MAP4K3: variants seen among roughly 807,000 people sequenced by gnomAD.
The protein encoded by MAP4K3 is mitogen-activated protein kinase kinase kinase kinase 3.
Under a neutral mutation model 143.5 loss-of-function variants are expected in MAP4K3, and 94 were observed. The ratio of observed to expected loss-of-function variants is 0.65; its 90% CI spans 0.55 to 0.78. The LOEUF is 0.78. Among genes scored for constraint, MAP4K3 ranks in the 30% least tolerant of loss-of-function variants. The pLI is 0.00. For missense variants in MAP4K3, 1,077 were observed against 1,068.1 expected (o/e 1.01, Z -0.12); for synonymous variants, 416 against 347.2 (o/e 1.20, Z -2.20).
chr2:39,296,217 A>C (rs1188580491), intron 16 of MAP4K3, among the ~76,000 whole-genome samples: 1 of 152,234 alleles, frequency 6.6e-6, no homozygotes, highest in Non-Finnish European at 1.5e-5. Context: ...ATACGGTCTT[A>C]ATGAAAAGTA....
chr2:39,332,368 T>C (rs548344605), intron 7 of MAP4K3, among the ~76,000 whole-genome samples: 101 of 152,102 alleles, frequency 6.6e-4, no homozygotes, highest in Non-Finnish European at 9.9e-4. Context: ...TTAAGAGACA[T>C]TATATTCCAT....
At chr2:39,333,956 C>A (rs1456863240) in intron 6 of MAP4K3, among the ~76,000 whole-genome samples, 2 of 105,830 alleles carry the variant, frequency 1.9e-5, no homozygotes, top group Non-Finnish European at 4.1e-5. Flanking sequence ...TATTGTTTCC[C>A]ATTTTTGTGT....
At chr2:39,403,607 A>C (rs1010170052) in intron 1 of MAP4K3, among the ~76,000 whole-genome samples, 6 of 151,990 alleles carry the variant, frequency 3.9e-5, no homozygotes, top group African/African-American at 1.5e-4. Flanking sequence ...AAGCCTCCCC[A>C]CCATGGGATG....
intron 1 of MAP4K3, among the ~76,000 whole-genome samples, chr2:39,393,657 G>C (rs1666728368): frequency 6.6e-6 from 1 of 152,012 alleles, no homozygotes; most frequent in African/African-American, 2.4e-5. Context: ...TTTAAATCTG[G>C]GGTGAATGAA....
chr2:39,279,109 G>C (rs1681399132), intron 23 of MAP4K3, among the ~76,000 whole-genome samples: 2 of 152,104 alleles, frequency 1.3e-5, no homozygotes, highest in African/African-American at 4.8e-5. Context: ...AGGAAAGAAA[G>C]GAAAGAACAC....
intron 6 of MAP4K3, among the ~76,000 whole-genome samples, chr2:39,334,288 A>T (rs1254365154): frequency 6.6e-6 from 1 of 152,166 alleles, no homozygotes; most frequent in African/African-American, 2.4e-5. Flanking sequence ...AAGAGATAGC[A>T]ATACTATATC....
intron 28 of MAP4K3, 59 bp from the exon 29 acceptor site, chr2:39,260,836 G>A: frequency 1.7e-6 from 2 of 1,198,822 alleles, no homozygotes; most frequent in South Asian, 2.7e-5. Flanking sequence ...ATAATTCTAT[G>A]AGAATACTAT....
rs766372736 is a variant in MAP4K3 at position 39,407,942 on chromosome 2, T to C, written c.96+28950A>G. On this transcript the variant is annotated intron_variant, in intron 1 of 33. Transcript: ENST00000263881. ...GGAAAAAAATGCCACAAGATATTAG[T>C]AAAGAAGAGAAGCAAGCACAGGATT... 5.9e-5 allele frequency among the ~76,000 whole-genome samples: 9 copies of C among 152,096 alleles called. No individual in the cohort carries two copies. The South Asian group carries it at 1.7e-3, about 28-fold the overall frequency.
rs76245948 is a variant in MAP4K3 at position 39,297,961 on chromosome 2, G to A, written c.1178+1782C>T. On this transcript the variant is annotated intron_variant, in intron 16 of 33. Coordinates refer to ENST00000263881, the MANE Select transcript of MAP4K3 (RefSeq NM_003618.4). ...GTCTAACAATCAGAAATCAGACAAT[G>A]GAAACTAAGGAATCTGGAAAAGCAT... Among the ~76,000 whole-genome samples the A allele has an allele frequency of 2.4e-3, 366 of 151,810 alleles. 9 individuals are homozygous for A. The East Asian group carries it at 0.04, about 17-fold the overall frequency.
At chr2:39,401,556 T>G (rs1469226181) in intron 1 of MAP4K3, among the ~76,000 whole-genome samples, 3 of 151,960 alleles carry the variant, frequency 2.0e-5, no homozygotes. Context: ...TCCTAGCACT[T>G]TGGGAGGCCC....
chr2:39,333,999 G>GTGT (rs780948427), intron 6 of MAP4K3, among the ~76,000 whole-genome samples: 12 of 144,082 alleles, frequency 8.3e-5, no homozygotes, highest in Admixed American at 1.4e-4. Context: ...GTGTGTGTGT[G>GTGT]TTTTTAAAAG....
In MAP4K3 at chr2:39,331,940, C is replaced by T. The variant is rs369435409; in HGVS notation, c.507G>A (p.Lys169=). The change falls in exon 8 of 34, where the codon AAG becomes AAA. Residue 169 remains lysine, a synonymous_variant. Transcript: ENST00000263881. Reference sequence around the variant, plus strand: ...ACCAATATGGTGTGCCAATGAAAGACTTCCGTTTGGCAATTGTAGCTGTTA... The same window carrying T: ...ACCAATATGGTGTGCCAATGAAAGATTTCCGTTTGGCAATTGTAGCTGTTA... The part of the protein sequence containing the change: ...AQITATIAKR[K]SFIGTPYWMA... 9.6e-6 allele frequency: 15 copies of T among 1,569,478 alleles called. No homozygotes were observed. The highest frequency in any genetic ancestry group is 1.2e-5 in the Non-Finnish European group (14 of 1,151,216).
intron 1 of MAP4K3, among the ~76,000 whole-genome samples, chr2:39,392,054 G>A (rs747724451): frequency 1.3e-4 from 19 of 151,668 alleles, no homozygotes; most frequent in Admixed American, 3.9e-4. Context: ...GGTAGGTAGC[G>A]CGCGCCTGTA....
chr2:39,369,395 C>T (rs769384640), intron 2 of MAP4K3, among the ~76,000 whole-genome samples: 14 of 152,048 alleles, frequency 9.2e-5, no homozygotes, highest in African/African-American at 1.4e-4. Flanking sequence ...GATCTGCCCG[C>T]CTCGGCCTCC....
rs1296090081 is a variant in MAP4K3 at position 39,268,684 on chromosome 2, G to A, written c.1974-1437C>T. Among the ~76,000 whole-genome samples the A allele has an allele frequency of 3.3e-5, 4 of 122,632 alleles. No homozygotes were observed. The Admixed American group carries it at 4.6e-4, about 14-fold the overall frequency. The allele number at this position is 122,632 out of a possible 152,430, so 80.5% of individuals were successfully genotyped here. A position where few individuals can be genotyped will look rare whatever the true frequency, so the allele number is the denominator to read the frequency against. On this transcript the variant is annotated intron_variant, in intron 26 of 33. Coordinates refer to ENST00000263881, the MANE Select transcript of MAP4K3 (RefSeq NM_003618.4). ...AGACGGAGTCTCGCTCTGTCGCCCA[G>A]GCTGGAGTGCAGTGGCTTGACCTCA... is the stretch of plus-strand genomic sequence containing the variant.
chr2:39,263,634 G>A (rs1680659675), intron 28 of MAP4K3, among the ~76,000 whole-genome samples: 1 of 152,084 alleles, frequency 6.6e-6, no homozygotes, highest in Non-Finnish European at 1.5e-5. Context: ...TTAAGATTAA[G>A]GAAGGCAGGC....
At chr2:39,345,239 G>T (rs774529069) in intron 3 of MAP4K3, among the ~76,000 whole-genome samples, 24 of 149,544 alleles carry the variant, frequency 1.6e-4, no homozygotes, top group Non-Finnish European at 3.3e-4. Context: ...TTAGCCAGGA[G>T]AAGTGGTGCA....
At chr2:39,314,474 G>A (rs1460655804) in intron 13 of MAP4K3, among the ~76,000 whole-genome samples, 3 of 152,158 alleles carry the variant, frequency 2.0e-5, no homozygotes, top group Non-Finnish European at 4.4e-5. Context: ...AATTTAAAAC[G>A]TGACTTCAGC....
Position 39,249,539 on chromosome 2 carries a change from C to T in MAP4K3, c.*1079G>A, listed in dbSNP as rs1204028129. 6.6e-6 allele frequency: 1 copy of T among 152,362 alleles called. No homozygotes were observed. The highest frequency in any genetic ancestry group is 1.5e-5 in the Non-Finnish European group (1 of 67,970). 9.4% of individuals were successfully genotyped at this position (152,362 alleles called of 1,614,324 possible). ...CTAAGTTCCTGTGATGTGTAGTAAC[C>T]ATTATATTGTTTGTATGAGGTAGTA... On this transcript the variant is annotated 3_prime_UTR_variant, in exon 34 of 34. Transcript: ENST00000263881.
Sources: allele counts gnomAD v4.1 joint callset (sites outside exome capture counted in the v4.1 genomes callset), GRCh38; gene constraint gnomAD v4.1.1; transcripts MANE v1.5; gene names NCBI Gene and HGNC (gene_info 2026-07-23, HGNC 2026-07-21).